FOXP1: variants seen among roughly 807,000 people sequenced by gnomAD.
The protein encoded by FOXP1 is forkhead box protein P1.
A neutral mutation model predicts 98.2 loss-of-function variants in FOXP1; 15 were observed. That is an observed-to-expected ratio of 0.15 (90% CI 0.10 to 0.24). The LOEUF is 0.24. Among genes scored for constraint, FOXP1 ranks in the 10% least tolerant of loss-of-function variants. The pLI, the probability that FOXP1 is intolerant of heterozygous loss-of-function variation, is 1.00. For synonymous variants in FOXP1, 371 were observed against 314.5 expected, an observed-to-expected ratio of 1.18 and a Z score of -1.90; for missense variants, 633 against 848.5, an observed-to-expected ratio of 0.75 and a Z score of 3.15.
At chr3:71,404,406 C>T (rs1339744853) in intron 3 of FOXP1, among the ~76,000 whole-genome samples, 2 of 151,912 alleles carry the variant, frequency 1.3e-5, no homozygotes, top group Non-Finnish European at 2.9e-5. Context: ...GGATTACAGG[C>T]ATGAGCCACC....
intron 2 of FOXP1, among the ~76,000 whole-genome samples, chr3:71,496,483 T>C (rs1043096807): frequency 6.6e-6 from 1 of 152,170 alleles, no homozygotes; most frequent in Non-Finnish European, 1.5e-5. Flanking sequence ...TCATTCGGAC[T>C]GGAGTGAGTA....
intron 4 of FOXP1, among the ~76,000 whole-genome samples, chr3:71,331,804 G>C (rs1176086527): frequency 6.6e-6 from 1 of 152,150 alleles, no homozygotes; most frequent in East Asian, 1.9e-4. Context: ...TCTACCTCAA[G>C]GTTTGTCAAC....
intron 2 of FOXP1, among the ~76,000 whole-genome samples, chr3:71,504,514 C>A (rs1471347279): frequency 1.3e-5 from 2 of 152,054 alleles, no homozygotes; most frequent in East Asian, 1.9e-4. Flanking sequence ...AACTTCCAGA[C>A]AATTCTTACA....
Position 70,959,406 on chromosome 3 carries a change from C to A in FOXP1, c.1890-15G>T, listed in dbSNP as rs7639736. The A allele has an allele frequency of 0.017, 26,694 of 1,613,826 alleles. 593 individuals are homozygous for A. Among genetic ancestry groups the A allele is most frequent in the East Asian group, 0.083 (3,733 of 44,848 alleles). The stretch of plus-strand genomic sequence containing the variant: ...GTACAGGATGCCTGGAAAAAATATG[C>A]AGAGGTTCAGTGAGGGTACTTCCCA... On this transcript the variant is annotated splice_polypyrimidine_tract_variant and intron_variant, in intron 20 of 20. Coordinates refer to ENST00000649528, the MANE Select transcript of FOXP1 (RefSeq NM_001349338.3).
intron 1 of FOXP1, chr3:71,582,877 G>A: frequency 1.1e-6 from 1 of 924,356 alleles, no homozygotes; most frequent in Non-Finnish European, 1.3e-6. Flanking sequence ...CGTGGCAGCG[G>A]GGAAGTTCCC....
chr3:71,395,697 T>C (rs2081330058), intron 3 of FOXP1, among the ~76,000 whole-genome samples: 1 of 152,192 alleles, frequency 6.6e-6, no homozygotes, highest in Non-Finnish European at 1.5e-5. Flanking sequence ...TTAACAGTTA[T>C]ATTCCCAGTA....
At chr3:71,494,766 T>C (rs1002204318) in intron 2 of FOXP1, among the ~76,000 whole-genome samples, 18 of 152,202 alleles carry the variant, frequency 1.2e-4, no homozygotes, top group African/African-American at 4.3e-4. Context: ...TCTAGAAAAC[T>C]ACCAGGAGAT....
rs2075792803 is a variant in FOXP1, at chr3:70,958,135, TC to T, written c.*1111del. On this transcript the variant is annotated 3_prime_UTR_variant, in exon 21 of 21. Coordinates refer to ENST00000649528, the MANE Select transcript of FOXP1 (RefSeq NM_001349338.3). ...ATTAATATGAGCTTTTTTTTTTTTT[TC>T]AGTGCTGCCTATGTTTCCTTGTGCT... 3.1e-6 allele frequency: 1 copy of T among 320,468 alleles called. No individual in the cohort carries two copies. The highest frequency in any genetic ancestry group is 4.6e-5 in the South Asian group (1 of 21,892). The allele number at this position is 320,468 out of a possible 1,614,324, so 19.9% of individuals were successfully genotyped here.
chr3:71,384,795 ACCATTTAGGAAATGG>A (rs2080444147), intron 3 of FOXP1, among the ~76,000 whole-genome samples: 1 of 152,182 alleles, frequency 6.6e-6, no homozygotes, highest in African/African-American at 2.4e-5. Flanking sequence ...AATAACTCTA[ACCATTTAGGAAATGG>A]CCATGTAAGG....
chr3:71,353,184 C>T (rs2077913260), intron 4 of FOXP1, among the ~76,000 whole-genome samples: 1 of 152,154 alleles, frequency 6.6e-6, no homozygotes, highest in South Asian at 2.1e-4. Flanking sequence ...GACGATGCAG[C>T]AAAATTTCAA....
At chr3:71,539,417 G>A (rs1039230085) in intron 2 of FOXP1, among the ~76,000 whole-genome samples, 4 of 150,750 alleles carry the variant, frequency 2.7e-5, no homozygotes, top group East Asian at 1.9e-4. Flanking sequence ...CGCCGCGCTC[G>A]GTCATCTCTG....
intron 3 of FOXP1, among the ~76,000 whole-genome samples, chr3:71,363,956 G>A (rs1426613524): frequency 6.6e-6 from 1 of 152,160 alleles, no homozygotes; most frequent in East Asian, 1.9e-4. Flanking sequence ...TGGAGTCACT[G>A]GATGGAATTC....
At chr3:71,098,235 A>G (rs2056647397) in intron 7 of FOXP1, among the ~76,000 whole-genome samples, 1 of 152,220 alleles carries the variant, frequency 6.6e-6, no homozygotes, top group African/African-American at 2.4e-5. Flanking sequence ...AGTATATTCC[A>G]TCTTCACTAT....
chr3:70,965,823 T>C, intron 20 of FOXP1, 67 bp downstream of exon 20: 5 of 1,487,318 alleles, frequency 3.4e-6, no homozygotes, highest in South Asian at 2.3e-5. Context: ...GAAAGGGCTG[T>C]CTCCCTGCGT....
intron 4 of FOXP1, chr3:71,333,289 T>C (rs917502273): frequency 2.0e-5 from 3 of 152,064 alleles, no homozygotes; most frequent in African/African-American, 7.2e-5. Flanking sequence ...CTCTAAGGAA[T>C]TAGAAGATCT....
chr3:71,221,755 T>C (rs2065403059), intron 5 of FOXP1, among the ~76,000 whole-genome samples: 1 of 152,214 alleles, frequency 6.6e-6, no homozygotes, highest in Admixed American at 6.5e-5. Flanking sequence ...CTAAGCTTTT[T>C]GGAAGGGTCC....
At chr3:70,979,223 A>C (rs2038250125) in intron 14 of FOXP1, among the ~76,000 whole-genome samples, 1 of 132,518 alleles carries the variant, frequency 7.5e-6, no homozygotes, top group Non-Finnish European at 1.5e-5. Flanking sequence ...CAGAGGTTGC[A>C]GTGAGCTGAG....
intron 14 of FOXP1, among the ~76,000 whole-genome samples, chr3:70,978,985 G>C (rs1420598420): frequency 1.3e-5 from 2 of 151,964 alleles, no homozygotes; most frequent in Non-Finnish European, 2.9e-5. Flanking sequence ...GAATAAAATA[G>C]GCCGGGCATG....
At chr3:71,023,174 G>C (rs1405130974) in intron 11 of FOXP1, among the ~76,000 whole-genome samples, 1 of 152,054 alleles carries the variant, frequency 6.6e-6, no homozygotes, top group South Asian at 2.1e-4. Context: ...GACAGGCACC[G>C]AGCATACTCA....
Sources: allele counts gnomAD v4.1 joint callset (sites outside exome capture counted in the v4.1 genomes callset), GRCh38; gene constraint gnomAD v4.1.1; transcripts MANE v1.5; gene names NCBI Gene and HGNC (gene_info 2026-07-23, HGNC 2026-07-21).